ZWILCH: variants seen among roughly 807,000 people sequenced by gnomAD.
The protein encoded by ZWILCH is protein zwilch homolog.
A neutral mutation model predicts 79.9 loss-of-function variants in ZWILCH; 74 were observed. That is an observed-to-expected ratio of 0.93 (90% CI 0.77 to 1.12). The LOEUF (loss-of-function observed/expected upper bound fraction) is 1.12, where lower values mean the gene tolerates loss of function less well. Ranked by LOEUF, ZWILCH falls within the 50% of genes most tolerant of loss-of-function variation. The pLI, the probability that ZWILCH is intolerant of heterozygous loss-of-function variation, is 0.00. For synonymous variants in ZWILCH, 241 were observed against 228.2 expected (o/e 1.06, Z -0.51); for missense variants, 694 against 687.5 (o/e 1.01, Z -0.11).
At chr15:66,509,862 TATATATATCTCTTAAAAATCA>T (rs1179274779) in intron 2 of ZWILCH, among the ~76,000 whole-genome samples, 3 of 98,858 alleles carry the variant, frequency 3.0e-5, no homozygotes, top group African/African-American at 1.1e-4. Context: ...TATATATATA[TATATATATCTCTTAAAAATCA>T]ATGAGGAAGA....
At chr15:66,512,286 T>C (rs1894096525) in intron 2 of ZWILCH, among the ~76,000 whole-genome samples, 1 of 152,104 alleles carries the variant, frequency 6.6e-6, no homozygotes, top group African/African-American at 2.4e-5. Flanking sequence ...AGAGATGGGG[T>C]CTTACTCTGT....
In ZWILCH at chr15:66,549,980, A is replaced by G; in HGVS notation, c.*1656A>G. Reference sequence around the variant, plus strand: ...AGAGCCACATTTTGAGATTTTGAAAATGATATGTATAATTATTTAGTTTAA... The same window carrying G: ...AGAGCCACATTTTGAGATTTTGAAAGTGATATGTATAATTATTTAGTTTAA... On this transcript the variant is annotated 3_prime_UTR_variant, in exon 19 of 19. Transcript: ENST00000307897. 1 of 1,114,114 alleles carries G rather than the reference A, an allele frequency of 9.0e-7. No homozygotes were observed. The highest frequency in any genetic ancestry group is 1.8e-5 in the South Asian group (1 of 56,486). The allele number at this position is 1,114,114 out of a possible 1,614,324, so 69.0% of individuals were successfully genotyped here.
At chr15:66,527,501 T>C in intron 9 of ZWILCH, 118 bp downstream of exon 9, 1 of 801,542 alleles carries the variant, frequency 1.2e-6, no homozygotes, top group South Asian at 1.7e-5. Context: ...AGATCTGTTA[T>C]GGTCAGAGGG....
chr15:66,514,151 C>G lies in ZWILCH; in HGVS notation c.201+68C>G, dbSNP rs1046056800. The G allele has an allele frequency of 5.1e-5, 54 of 1,060,510 alleles. No homozygotes were observed. The African/African-American group carries it at 8.2e-4, about 16-fold the overall frequency. 65.7% of individuals were successfully genotyped at this position (1,060,510 alleles called of 1,614,324 possible). On this transcript the variant is annotated intron_variant, in intron 3 of 18. Transcript: ENST00000307897. The stretch of plus-strand genomic sequence containing the variant: ...CCAAATTTGGTTTCTTGGGAATAAT[C>G]TAACGTACACGTTTTAAAATCAGCA...
At chr15:66,518,835 T>C (rs1359415855) in intron 4 of ZWILCH, 44 bp from the exon 5 acceptor site, 3 of 1,556,086 alleles carry the variant, frequency 1.9e-6, no homozygotes, top group Non-Finnish European at 2.6e-6. Flanking sequence ...AATTCTTGAA[T>C]TGGAAATCTC....
At chr15:66,515,959 T>G (rs535124714) in intron 4 of ZWILCH, among the ~76,000 whole-genome samples, 226 of 152,348 alleles carry the variant, frequency 1.5e-3, no homozygotes, top group African/African-American at 5.0e-3. Flanking sequence ...TGACCAAGCT[T>G]CTTTCCTGCT....
intron 1 of ZWILCH, among the ~76,000 whole-genome samples, chr15:66,506,346 A>G (rs935576391): frequency 2.6e-5 from 4 of 152,176 alleles, no homozygotes; most frequent in Non-Finnish European, 5.9e-5. Context: ...GCTGCTATAT[A>G]GTATTTCACT....
At chr15:66,522,739 G>A (rs1206556635) in intron 7 of ZWILCH, among the ~76,000 whole-genome samples, 1 of 152,188 alleles carries the variant, frequency 6.6e-6, no homozygotes, top group African/African-American at 2.4e-5. Flanking sequence ...TATGTAGTGC[G>A]ATCTCAACTA....
At position 66,522,257 on chromosome 15, in the gene ZWILCH, A is replaced by T. The variant is rs73474145; in HGVS notation, c.747+1052A>T. 6.7e-3 allele frequency among the ~76,000 whole-genome samples: 1,013 copies of T among 152,226 alleles called. 15 individuals are homozygous for T. Among genetic ancestry groups the T allele is most frequent in the African/African-American group, 0.023 (969 of 41,552 alleles). ...CATGTGTAAGATATTCAGTGCAGCG[A>T]TATAACTGTGTTTCCAAAATACTAT... On this transcript the variant is annotated intron_variant, in intron 7 of 18. Coordinates refer to ENST00000307897, the MANE Select transcript of ZWILCH (RefSeq NM_017975.5).
intron 11 of ZWILCH, 27 bp from the exon 12 acceptor site, chr15:66,529,466 AT>A (rs1894793289): frequency 6.5e-7 from 1 of 1,540,776 alleles, no homozygotes; most frequent in Non-Finnish European, 9.0e-7. Context: ...TACCCTGAAA[AT>A]AATGTTACAC....
In ZWILCH at chr15:66,529,561, T is replaced by A. The variant is rs766638150; in HGVS notation, c.1143T>A (p.Asp381Glu). ...TLIIQSLQRG[D>E]IQPWLHSGSN... ...TCATCCAGAGTCTACAACGTGGTGA[T>A]ATACAGCCATGGGTAGGTTTAGTAG... Residue 381 changes from aspartate (D) to glutamate (E), a missense_variant, in exon 12 of 19, where the codon GAT (aspartate) becomes GAA (glutamate). By Grantham distance (45) the Asp-to-Glu change is conservative (BLOSUM62 2). Transcript: ENST00000307897. 3.1e-6 allele frequency: 5 copies of A among 1,613,582 alleles called. No homozygotes were observed. In the South Asian group the frequency reaches 4.4e-5, roughly 14 times the overall value.
rs192599105 is a variant in ZWILCH at position 66,510,702 on chromosome 15, C to A, written c.105+1810C>A. ...TAAAATTCTGAAATTAAGGTGTCAG[C>A]AAGTGCATGCTCTTCCTGAATTCTC... On this transcript the variant is annotated intron_variant, in intron 2 of 18. Coordinates refer to ENST00000307897, the MANE Select transcript of ZWILCH (RefSeq NM_017975.5). 3.1e-3 allele frequency among the ~76,000 whole-genome samples: 477 copies of A among 152,324 alleles called. 4 individuals carry two copies. The highest frequency in any genetic ancestry group is 5.6e-3 in the Non-Finnish European group (384 of 68,024).
chr15:66,534,896 A>G (rs1319951531), intron 14 of ZWILCH, among the ~76,000 whole-genome samples: 2 of 152,204 alleles, frequency 1.3e-5, no homozygotes, highest in African/African-American at 2.4e-5. Context: ...ATAACTTACT[A>G]TAACTTTTTT....
chr15:66,530,413 A>G (rs79351996), intron 12 of ZWILCH, among the ~76,000 whole-genome samples: 7,552 of 152,226 alleles, frequency 0.05, 306 homozygotes, highest in East Asian at 0.2. Context: ...AGGCTGGCAG[A>G]TCACTTGAGG....
At chr15:66,544,724 T>TTTTTTTTTTTTGTGTGTGTGGGTGTG (rs145952622) in intron 17 of ZWILCH, among the ~76,000 whole-genome samples, 1 of 128,490 alleles carries the variant, frequency 7.8e-6, no homozygotes, top group Admixed American at 8.5e-5. Flanking sequence ...TTTTTGGTTT[T>TTTTTTTTTTTTGTGTGTGTGGGTGTG]TGTGTGTGTG....
rs748826764 is a variant in ZWILCH, at chr15:66,514,108, T to C, written c.201+25T>C. On this transcript the variant is annotated intron_variant, in intron 3 of 18. Coordinates refer to ENST00000307897, the MANE Select transcript of ZWILCH (RefSeq NM_017975.5). ...GGTAAGTACTGGTTTGACTTTGTGG[T>C]TGTTTAATTCTCCATAACCAAATTT... 5 of 1,547,642 alleles carry C rather than the reference T, an allele frequency of 3.2e-6. No homozygotes were observed. In the African/African-American group the frequency reaches 5.5e-5, roughly 17 times the overall value.
At chr15:66,528,231 G>A (rs1894745569) in intron 10 of ZWILCH, among the ~76,000 whole-genome samples, 1 of 152,186 alleles carries the variant, frequency 6.6e-6, no homozygotes, top group Non-Finnish European at 1.5e-5. Flanking sequence ...AGGTCCCCGA[G>A]TAGCTGGGAC....
Position 66,528,993 on chromosome 15 carries a change from T to C in ZWILCH, c.1075+36T>C, listed in dbSNP as rs376742579. 9.8e-6 allele frequency: 15 copies of C among 1,529,600 alleles called. No individual in the cohort carries two copies. The African/African-American group carries it at 2.0e-4, about 21-fold the overall frequency. 94.8% of individuals were successfully genotyped at this position (1,529,600 alleles called of 1,614,324 possible). ...ATCATGATTTAAATTTTTCCTCTTATTTCTTAGGTTTATTTTTAAGTCTTT... is the reference window on the plus strand; with the variant it reads ...ATCATGATTTAAATTTTTCCTCTTACTTCTTAGGTTTATTTTTAAGTCTTT... On this transcript the variant is annotated intron_variant, in intron 11 of 18. Coordinates refer to ENST00000307897, the MANE Select transcript of ZWILCH (RefSeq NM_017975.5).
At position 66,519,111 on chromosome 15, in the gene ZWILCH, A is replaced by G. The variant is rs1004934014; in HGVS notation, c.520+33A>G. The G allele has an allele frequency of 3.2e-6, 5 of 1,578,038 alleles. No individual in the cohort carries two copies. The African/African-American group carries it at 6.7e-5, about 21-fold the overall frequency. ...CTCTCTCTAGAGAGTGTGTGTGTGT[A>G]TTTATTCATTTGTATAGTTATTGTT... On this transcript the variant is annotated intron_variant, in intron 5 of 18. Coordinates refer to ENST00000307897, the MANE Select transcript of ZWILCH (RefSeq NM_017975.5).
Sources: gnomAD v4.1 joint callset for allele counts (sites outside exome capture counted in the v4.1 genomes callset) on GRCh38, gnomAD v4.1.1 for gene constraint, MANE v1.5 for transcripts, NCBI Gene and HGNC (gene_info 2026-07-23, HGNC 2026-07-21) for gene names.